The following FCHSD2 variants were observed in gnomAD, a reference collection of about 807,000 sequenced individuals.
FCHSD2 encodes the protein FCH and double SH3 domains 2.
A neutral mutation model predicts 108.1 loss-of-function variants in FCHSD2; 38 were observed. The ratio of observed to expected loss-of-function variants is 0.35; its 90% CI spans 0.27 to 0.46. FCHSD2 has a LOEUF of 0.46. FCHSD2 is among the 20% of genes least tolerant of loss of function. The probability of loss-of-function intolerance (pLI) is 1.00; values close to 1 mark genes in which losing one functional copy is unlikely to be tolerated. For synonymous variants in FCHSD2, 279 were observed against 314.7 expected, an observed-to-expected ratio of 0.89 and a Z score of 1.20; for missense variants, 751 against 897.8, an observed-to-expected ratio of 0.84 and a Z score of 2.09.
At chr11:73,043,883 G>A (rs1414898647) in intron 3 of FCHSD2, among the ~76,000 whole-genome samples, 1 of 152,090 alleles carries the variant, frequency 6.6e-6, no homozygotes, top group African/African-American at 2.4e-5. Context: ...AAAGGAGCCT[G>A]GACTAAAGGA....
At chr11:73,082,449 A>T (rs1859718448) in intron 3 of FCHSD2, among the ~76,000 whole-genome samples, 1 of 151,850 alleles carries the variant, frequency 6.6e-6, no homozygotes, top group African/African-American at 2.4e-5. Context: ...CTCAACAACT[A>T]CTGATTGAAC....
intron 2 of FCHSD2, among the ~76,000 whole-genome samples, chr11:73,121,049 G>A (rs1318614673): frequency 6.6e-6 from 1 of 152,026 alleles, no homozygotes; most frequent in African/African-American, 2.4e-5. Context: ...CTCTTTCTCA[G>A]CAATTTAGCT....
intron 3 of FCHSD2, among the ~76,000 whole-genome samples, chr11:73,070,722 G>A (rs1024443870): frequency 2.0e-5 from 3 of 151,540 alleles, no homozygotes; most frequent in South Asian, 4.2e-4. Context: ...CACCATACCC[G>A]GCCTAAATGT....
chr11:73,141,867 G>A lies in FCHSD2; in HGVS notation c.11C>T (p.Pro4Leu), dbSNP rs1012704475. 6.5e-7 allele frequency: 1 copy of A among 1,544,998 alleles called. No homozygotes were observed. The highest frequency in any genetic ancestry group is 8.7e-7 in the Non-Finnish European group (1 of 1,145,884). The change falls in exon 1 of 20, where the codon CCG (proline) becomes CTG (leucine). Residue 4 changes from proline (P) to leucine (L), a missense_variant. By Grantham distance (98) the Pro-to-Leu change is moderately conservative. Coordinates refer to ENST00000409418, the MANE Select transcript of FCHSD2 (RefSeq NM_014824.3). MQP[P>L]PRKVKVTQEL... Reference sequence around the variant, plus strand: ...CAGCTGCGCCCTTACCTTCCTCGGCGGCGGCTGCATGATGCTGAAGGGACA... The same window carrying A: ...CAGCTGCGCCCTTACCTTCCTCGGCAGCGGCTGCATGATGCTGAAGGGACA...
At chr11:73,109,309 T>C (rs1024316553) in intron 2 of FCHSD2, among the ~76,000 whole-genome samples, 1 of 152,364 alleles carries the variant, frequency 6.6e-6, no homozygotes, top group East Asian at 1.9e-4. Context: ...TAGATTGCTA[T>C]AGAAACTATG....
intron 2 of FCHSD2, among the ~76,000 whole-genome samples, chr11:73,094,531 T>C (rs571850676): frequency 3.6e-4 from 55 of 152,272 alleles, no homozygotes; most frequent in African/African-American, 1.3e-3. Context: ...GGATCATGGA[T>C]AAACAGTAAC....
At chr11:73,118,342 G>A (rs1187835253) in intron 2 of FCHSD2, among the ~76,000 whole-genome samples, 1 of 151,898 alleles carries the variant, frequency 6.6e-6, no homozygotes, top group Admixed American at 6.6e-5. Flanking sequence ...CAAAAACAAA[G>A]GACACAGAAT....
intron 8 of FCHSD2, among the ~76,000 whole-genome samples, chr11:72,977,862 A>G (rs2135391612): frequency 6.6e-6 from 1 of 152,384 alleles, no homozygotes; most frequent in Non-Finnish European, 1.5e-5. Flanking sequence ...ACACATGCAC[A>G]TATATGTTTA....
chr11:73,038,178 T>C (rs371306830), intron 3 of FCHSD2, among the ~76,000 whole-genome samples: 1 of 151,902 alleles, frequency 6.6e-6, no homozygotes, highest in Non-Finnish European at 1.5e-5. Context: ...CTGTCTCTAT[T>C]AAAAAATTTA....
At chr11:73,042,249 AAGAC>A (rs1284425830) in intron 3 of FCHSD2, among the ~76,000 whole-genome samples, 3 of 152,116 alleles carry the variant, frequency 2.0e-5, no homozygotes, top group Non-Finnish European at 4.4e-5. Context: ...ACTCTGGTGA[AAGAC>A]AGGGGTCATT....
chr11:72,941,849 T>A (rs1316339247), intron 8 of FCHSD2, among the ~76,000 whole-genome samples: 1 of 152,136 alleles, frequency 6.6e-6, no homozygotes, highest in African/African-American at 2.4e-5. Flanking sequence ...AAAAAAGATA[T>A]CTTAAGGAAG....
At chr11:73,007,043 C>CACAT (rs1857755811) in intron 4 of FCHSD2, among the ~76,000 whole-genome samples, 1 of 152,158 alleles carries the variant, frequency 6.6e-6, no homozygotes, top group Non-Finnish European at 1.5e-5. Flanking sequence ...GTCCTTTGTA[C>CACAT]ACATCATCTA....
chr11:72,968,181 A>G (rs994471109), intron 8 of FCHSD2, among the ~76,000 whole-genome samples: 9 of 152,184 alleles, frequency 5.9e-5, no homozygotes, highest in Non-Finnish European at 1.2e-4. Flanking sequence ...TAAGGGCGAT[A>G]AGAAGCCACT....
intron 8 of FCHSD2, among the ~76,000 whole-genome samples, chr11:72,942,049 A>G (rs923852098): frequency 2.6e-5 from 4 of 152,212 alleles, no homozygotes; most frequent in Non-Finnish European, 5.9e-5. Context: ...TTGTCCCCTC[A>G]AAATCTCATG....
intron 12 of FCHSD2, among the ~76,000 whole-genome samples, chr11:72,877,205 A>G (rs544209367): frequency 1.3e-5 from 2 of 151,992 alleles, no homozygotes; most frequent in East Asian, 3.9e-4. Context: ...TTTTTTAATG[A>G]TTAGTGTTTG....
intron 2 of FCHSD2, among the ~76,000 whole-genome samples, chr11:73,134,030 G>T (rs917246455): frequency 2.0e-5 from 3 of 151,198 alleles, no homozygotes; most frequent in Non-Finnish European, 4.4e-5. Flanking sequence ...AATGGGATAC[G>T]TAATCATATA....
chr11:72,977,488 G>GA (rs566140375), intron 8 of FCHSD2, among the ~76,000 whole-genome samples: 447 of 151,142 alleles, frequency 3.0e-3, no homozygotes, highest in African/African-American at 4.6e-3. Flanking sequence ...AACTCTATAG[G>GA]AAAAAAAAAT....
intron 2 of FCHSD2, among the ~76,000 whole-genome samples, chr11:73,108,818 G>A (rs369175013): frequency 7.2e-5 from 11 of 152,150 alleles, no homozygotes; most frequent in African/African-American, 1.9e-4. Flanking sequence ...TGATCCACCC[G>A]CTTCGGCCTC....
intron 5 of FCHSD2, among the ~76,000 whole-genome samples, chr11:72,996,434 C>T (rs967533100): frequency 3.9e-5 from 6 of 152,078 alleles, no homozygotes; most frequent in East Asian, 1.9e-4. Flanking sequence ...GTGAAAGATA[C>T]GGACAAAAGT....
Sources: gnomAD v4.1 joint callset for allele counts (sites outside exome capture counted in the v4.1 genomes callset) on GRCh38, gnomAD v4.1.1 for gene constraint, MANE v1.5 for transcripts, NCBI Gene and HGNC (gene_info 2026-07-23, HGNC 2026-07-21) for gene names.